The following DOCK1 variants were observed in gnomAD, a reference collection of about 807,000 sequenced individuals.
DOCK1 encodes the protein dedicator of cytokinesis protein 1.
Under a neutral mutation model 262.7 loss-of-function variants are expected in DOCK1, and 138 were observed. The observed-to-expected ratio is 0.53, with a 90% confidence interval of 0.46 to 0.61. The LOEUF (loss-of-function observed/expected upper bound fraction) is 0.61. Among genes scored for constraint, DOCK1 ranks in the 20% least tolerant of loss-of-function variants. The pLI, the probability that DOCK1 is intolerant of heterozygous loss-of-function variation, is 0.00. For synonymous variants in DOCK1, 866 were observed against 867.4 expected, an observed-to-expected ratio of 1.00 and a Z score of 0.03; for missense variants, 1,908 against 2,370.7, an observed-to-expected ratio of 0.80 and a Z score of 4.05.
intron 29 of DOCK1, among the ~76,000 whole-genome samples, chr10:127,260,859 CTGTG>C (rs1280889172): frequency 5.4e-5 from 4 of 73,566 alleles, no homozygotes; most frequent in Admixed American, 1.7e-4. Flanking sequence ...CCGTGCTCAT[CTGTG>C]TGTGTGCATG....
intron 33 of DOCK1, among the ~76,000 whole-genome samples, chr10:127,371,095 C>G (rs2065184379): frequency 1.3e-5 from 2 of 152,234 alleles, no homozygotes; most frequent in African/African-American, 4.8e-5. Context: ...CAGCTCTGCT[C>G]TATCAGCAAA....
At chr10:127,208,277 T>C (rs75708598) in intron 27 of DOCK1, among the ~76,000 whole-genome samples, 3,242 of 152,264 alleles carry the variant, frequency 0.021, 56 homozygotes, top group Non-Finnish European at 0.03. Flanking sequence ...GGCTCCTTAG[T>C]CCAATAATTT....
At chr10:127,226,509 G>A (rs999563201) in intron 27 of DOCK1, among the ~76,000 whole-genome samples, 7 of 152,008 alleles carry the variant, frequency 4.6e-5, no homozygotes, top group Non-Finnish European at 8.8e-5. Context: ...TTTGGGAGCC[G>A]AGGTGGATGG....
In DOCK1 at chr10:127,176,119, G is replaced by C. The variant is rs779113272; in HGVS notation, c.2847+48355G>C. On this transcript the variant is annotated intron_variant, in intron 27 of 51. Transcript: ENST00000623213. This position sits in a 1 kb window ranked among gnomAD's most constrained non-coding sequence, Gnocchi z 4.4. ...TTGGTGACGTTGGGGATGGACCTGC[G>C]TGCGGGCACTGTCATGTATTTGCGG... 6.2e-7 allele frequency: 1 copy of C among 1,614,130 alleles called. No homozygotes were observed. The highest frequency in any genetic ancestry group is 1.3e-5 in the African/African-American group (1 of 75,030).
chr10:127,036,292 T>G (rs2043610965), intron 18 of DOCK1, among the ~76,000 whole-genome samples: 1 of 152,200 alleles, frequency 6.6e-6, no homozygotes, highest in Non-Finnish European at 1.5e-5. Flanking sequence ...CCACGGGATC[T>G]TTGGGTGCTC....
intron 29 of DOCK1, among the ~76,000 whole-genome samples, chr10:127,279,917 G>A (rs971854365): frequency 6.0e-5 from 9 of 151,150 alleles, no homozygotes; most frequent in Non-Finnish European, 1.2e-4. Context: ...AATAGAGTTC[G>A]AGAAAAGTGA....
chr10:127,168,022 C>A (rs1378203793), intron 27 of DOCK1, among the ~76,000 whole-genome samples: 1 of 152,166 alleles, frequency 6.6e-6, no homozygotes, highest in Non-Finnish European at 1.5e-5. Flanking sequence ...TTCATTTCAT[C>A]TCCAAGAGAA....
At chr10:127,007,411 CTGAACG>C (rs1207979077) in intron 10 of DOCK1, 1 of 152,258 alleles carries the variant, frequency 6.6e-6, no homozygotes, top group African/African-American at 2.4e-5. Context: ...ATCCTCTTAC[CTGAACG>C]CAGAGCTGGG....
chr10:127,039,862 C>A (rs1476643969), intron 19 of DOCK1, among the ~76,000 whole-genome samples: 2 of 152,178 alleles, frequency 1.3e-5, no homozygotes, highest in African/African-American at 4.8e-5. Context: ...TACGCTGTCC[C>A]ATTAGATGGA....
At chr10:127,288,797 A>ACG (rs2061251555) in intron 29 of DOCK1, among the ~76,000 whole-genome samples, 1 of 150,772 alleles carries the variant, frequency 6.6e-6, no homozygotes, top group Non-Finnish European at 1.5e-5. Context: ...ACACACACAC[A>ACG]CACACACACA....
chr10:127,314,339 A>G (rs1341695189), intron 29 of DOCK1, among the ~76,000 whole-genome samples: 2 of 152,220 alleles, frequency 1.3e-5, no homozygotes, highest in Admixed American at 6.5e-5. Context: ...AAAATGAATC[A>G]TAAAGGACTA....
At chr10:127,039,042 CT>C (rs759793364) in intron 19 of DOCK1, among the ~76,000 whole-genome samples, 1 of 152,158 alleles carries the variant, frequency 6.6e-6, no homozygotes, top group Non-Finnish European at 1.5e-5. Context: ...AAGAGACGAC[CT>C]TATCTCTGTA....
In DOCK1 at chr10:127,402,982, A is replaced by T. The variant is rs2067310133; in HGVS notation, c.3928-73A>T. 5 of 1,310,000 alleles carry T rather than the reference A, an allele frequency of 3.8e-6. No individual in the cohort carries two copies. In the South Asian group the frequency reaches 5.3e-5, roughly 14 times the overall value. The allele number at this position is 1,310,000 out of a possible 1,614,324, so 81.1% of individuals were successfully genotyped here. On this transcript the variant is annotated intron_variant, in intron 38 of 51. Transcript: ENST00000623213. ...CTTCTACACTGTTTTATTTTGAATG[A>T]TTGCATTCCTGTTTGACTCTTTGCA... is the stretch of plus-strand genomic sequence containing the variant.
intron 23 of DOCK1, among the ~76,000 whole-genome samples, chr10:127,071,052 A>G (rs1233544414): frequency 1.3e-5 from 2 of 152,078 alleles, no homozygotes; most frequent in Non-Finnish European, 2.9e-5. Context: ...ATGATGACAC[A>G]CTTGCAAGTG....
chr10:127,441,904 C>T (rs894869592), intron 49 of DOCK1, among the ~76,000 whole-genome samples: 1 of 152,188 alleles, frequency 6.6e-6, no homozygotes, highest in Non-Finnish European at 1.5e-5. Context: ...AGTCCAGCCT[C>T]CTCAGCTCTC....
At chr10:127,345,784 C>T (rs1041349335) in intron 31 of DOCK1, among the ~76,000 whole-genome samples, 1 of 152,162 alleles carries the variant, frequency 6.6e-6, no homozygotes, top group African/African-American at 2.4e-5. Flanking sequence ...TGGAGACTGG[C>T]TCAGCAGGGG....
At chr10:126,909,241 G>T (rs1397222856) in intron 1 of DOCK1, among the ~76,000 whole-genome samples, 5 of 152,112 alleles carry the variant, frequency 3.3e-5, no homozygotes, top group African/African-American at 1.2e-4. Context: ...GCTACGGGAG[G>T]CCCCTAGCTA....
intron 29 of DOCK1, among the ~76,000 whole-genome samples, chr10:127,320,813 G>A (rs533551825): frequency 6.6e-6 from 1 of 152,182 alleles, no homozygotes; most frequent in South Asian, 2.1e-4. Flanking sequence ...CTGGGGCTCC[G>A]AGTCATCTGT....
chr10:127,254,328 T>C (rs1489496846), intron 28 of DOCK1, among the ~76,000 whole-genome samples: 2 of 152,228 alleles, frequency 1.3e-5, no homozygotes, highest in Non-Finnish European at 2.9e-5. Context: ...TTCTGGACTT[T>C]TTTTGTGCTG....
Sources: gnomAD v4.1 joint callset for allele counts (sites outside exome capture counted in the v4.1 genomes callset) on GRCh38, gnomAD v4.1.1 for gene constraint, Gnocchi (gnomAD v3.1) non-coding constraint, MANE v1.5 for transcripts, NCBI Gene and HGNC (gene_info 2026-07-23, HGNC 2026-07-21) for gene names.